The following IRX2 variants were observed in gnomAD, a reference collection of about 807,000 sequenced individuals.
IRX2 encodes iroquois homeobox 2.
IRX2 carries 26 observed loss-of-function variants against 42.9 expected under a neutral mutation model. The ratio of observed to expected loss-of-function variants is 0.61; its 90% CI spans 0.44 to 0.84. The LOEUF (loss-of-function observed/expected upper bound fraction) is 0.84, where lower values mean the gene tolerates loss of function less well. IRX2 is among the 40% of genes least tolerant of loss of function. The pLI is 0.00. For missense variants in IRX2, 782 were observed against 713.9 expected (o/e 1.10, Z -1.09); for synonymous variants, 424 against 353.9 (o/e 1.20, Z -2.22).
chr5:2,748,185 C>T (rs1737749305), intron 3 of IRX2, among the ~76,000 whole-genome samples, 160 bp downstream of exon 3: 1 of 152,238 alleles, frequency 6.6e-6, no homozygotes, highest in Admixed American at 6.5e-5. Context: ...CCTTCTTTGG[C>T]TTCCATCTCG....
downstream of IRX2, among the ~76,000 whole-genome samples, chr5:2,744,215 G>T (rs188130954): frequency 9.2e-5 from 14 of 152,138 alleles, no homozygotes; most frequent in African/African-American, 3.4e-4. Context: ...GAACATAAGC[G>T]CAAAGGTTAA....
downstream of IRX2, among the ~76,000 whole-genome samples, chr5:2,741,565 T>A (rs1209868174): frequency 1.3e-5 from 2 of 152,000 alleles, no homozygotes; most frequent in African/African-American, 2.4e-5. Context: ...AATTACCAGA[T>A]CAGATAAATG....
chr5:2,739,233 G>GCCCT, the IRX2 span, among the ~76,000 whole-genome samples: 5 of 152,146 alleles, frequency 3.3e-5, no homozygotes, highest in Non-Finnish European at 7.4e-5. Context: ...CCCCGAGCCC[G>GCCCT]CCGGCCCTCG....
intron 2 of IRX2, 74 bp downstream of exon 2, chr5:2,749,308 C>T: frequency 6.6e-7 from 1 of 1,519,070 alleles, no homozygotes. Context: ...GGGCAACGTC[C>T]TCCCCGCCTT....
In IRX2 at chr5:2,746,567, T is replaced by A. The variant is rs1225662022; in HGVS notation, c.*997A>T. The stretch of plus-strand genomic sequence containing the variant: ...CACACATACATCGGGGAAACTATAC[T>A]ATGCCAACAAATTCACATATGTCCA... On this transcript the variant is annotated 3_prime_UTR_variant, in exon 4 of 4. Coordinates refer to ENST00000302057, the MANE Select transcript of IRX2 (RefSeq NM_033267.5). The A allele has an allele frequency of 2.0e-5, 3 of 152,608 alleles. No homozygotes were observed. The highest frequency in any genetic ancestry group is 1.5e-5 in the Non-Finnish European group (1 of 68,044). 9.5% of individuals were successfully genotyped at this position (152,608 alleles called of 1,614,324 possible).
At position 2,751,264 on chromosome 5, in the gene IRX2, G is replaced by A. The variant is rs976829815; in HGVS notation, c.150C>T (p.Gly50=). 2.1e-6 allele frequency: 3 copies of A among 1,412,668 alleles called. No individual in the cohort carries two copies. The highest frequency in any genetic ancestry group is 2.8e-5 in the South Asian group (2 of 71,690). The allele number at this position is 1,412,668 out of a possible 1,614,324, so 87.5% of individuals were successfully genotyped here. The change falls in exon 1 of 4, where the codon GGC becomes GGT. Residue 50 remains glycine, a synonymous_variant. Coordinates refer to ENST00000302057, the MANE Select transcript of IRX2 (RefSeq NM_033267.5). This position sits in a 1 kb window ranked among gnomAD's most constrained non-coding sequence, Gnocchi z 4.0. ...CCGCCTGCGCCGTGAAGGCCGCCGAGCCCGGGTAGGGGCTGAACGCCGAGC... is the reference window on the plus strand; with the variant it reads ...CCGCCTGCGCCGTGAAGGCCGCCGAACCCGGGTAGGGGCTGAACGCCGAGC... ...ASGSAFSPYP[G]SAAFTAQAAT...
downstream of IRX2, among the ~76,000 whole-genome samples, chr5:2,743,775 C>T (rs1737597916): frequency 6.6e-6 from 1 of 152,248 alleles, no homozygotes; most frequent in African/African-American, 2.4e-5. Context: ...CTCTCTCCTT[C>T]CTTCCTCGTT....
chr5:2,748,909 CGTCGTCCTCCAG>C lies in IRX2; in HGVS notation c.787_798del (p.Leu263_Asp266del). 1 of 1,596,524 alleles carries C rather than the reference CGTCGTCCTCCAG, an allele frequency of 6.3e-7. No homozygotes were observed. The highest frequency in any genetic ancestry group is 8.5e-7 in the Non-Finnish European group (1 of 1,179,306). ...CGCTCGCCCTCCTCGTCGTCGTCCT[CGTCGTCCTCCAG>C]GTCGTCATACTTGTCCTTGCACTCC... On this transcript the variant is annotated inframe_deletion, in exon 3 of 4. Transcript: ENST00000302057.
chr5:2,740,844 G>A, the IRX2 span, among the ~76,000 whole-genome samples: 1 of 152,154 alleles, frequency 6.6e-6, no homozygotes, highest in Non-Finnish European at 1.5e-5. Context: ...ACAGTGCACC[G>A]TCCCCCTTGC....
intron 2 of IRX2, 109 bp from the exon 3 acceptor site, chr5:2,749,161 C>G: frequency 4.7e-6 from 7 of 1,493,320 alleles, no homozygotes; most frequent in Non-Finnish European, 6.2e-6. Flanking sequence ...GACCCCTCAC[C>G]TCGCCCCCAC....
At chr5:2,741,295 C>T (rs1579620020), downstream of IRX2, among the ~76,000 whole-genome samples, 2 of 152,346 alleles carry the variant, frequency 1.3e-5, no homozygotes, top group East Asian at 3.9e-4. Flanking sequence ...CCAGCAGTCT[C>T]AGTCCCACTA....
At chr5:2,736,474 C>T in the IRX2 span, among the ~76,000 whole-genome samples, 52 of 152,250 alleles carry the variant, frequency 3.4e-4, no homozygotes, top group African/African-American at 1.1e-3. Flanking sequence ...TAATAGAAAG[C>T]TTTGAATATG....
In IRX2 at chr5:2,748,892, C is replaced by T; in HGVS notation, c.816G>A (p.Glu272=). Reference sequence around the variant, plus strand: ...TGGGCGGCGCCAGGCCCCGCTCGCCCTCCTCGTCGTCGTCCTCGTCGTCCT... The same window carrying T: ...TGGGCGGCGCCAGGCCCCGCTCGCCTTCCTCGTCGTCGTCCTCGTCGTCCT... The part of the protein sequence containing the change: ...DLEDDEDDDE[E]GERGLAPPKP... Residue 272 remains glutamate (E), a synonymous_variant, in exon 3 of 4, where the codon GAG becomes GAA. Transcript: ENST00000302057. 6.3e-7 allele frequency: 1 copy of T among 1,595,826 alleles called. No individual in the cohort carries two copies. Among genetic ancestry groups the T allele is most frequent in the Non-Finnish European group, 8.5e-7 (1 of 1,179,072 alleles).
downstream of IRX2, among the ~76,000 whole-genome samples, chr5:2,742,283 C>A (rs189734753): frequency 3.6e-4 from 55 of 152,284 alleles, no homozygotes; most frequent in East Asian, 8.7e-3. Context: ...CTAGCCCAAG[C>A]AAAGGGGAGG....
chr5:2,749,835 GCAACCAGCCAGAGGATGC>G, intron 1 of IRX2, 48 bp from the exon 2 acceptor site: 2 of 1,529,620 alleles, frequency 1.3e-6, no homozygotes, highest in Non-Finnish European at 1.8e-6. Flanking sequence ...GACCCCGCGG[GCAACCAGCCAGAGGATGC>G]CACCCCTCCG....
In IRX2 at chr5:2,748,563, AG is replaced by A; in HGVS notation, c.1144del (p.Leu382SerfsTer17). 1.9e-6 allele frequency: 3 copies of A among 1,568,612 alleles called. No individual in the cohort carries two copies. Among genetic ancestry groups the A allele is most frequent in the South Asian group, 2.3e-5 (2 of 87,446 alleles). ...YPASPLLGRPLYYTSPFYGNY... is the reference protein window; with the variant it reads ...YPASPLLGRPXYYTSPFYGNY... ...GCCGTAGAAGGGCGACGTGTAGTAG[AG>A]GGGGCGGCCCAGCAGCGGCGAGGCA... On this transcript the variant is annotated frameshift_variant, in exon 3 of 4. Transcript: ENST00000302057. LOFTEE classifies it high-confidence loss of function.
At chr5:2,737,933 G>T in the IRX2 span, among the ~76,000 whole-genome samples, 1 of 152,124 alleles carries the variant, frequency 6.6e-6, no homozygotes, top group East Asian at 1.9e-4. Flanking sequence ...GCCTGGGGGT[G>T]TCCCCCTGCC....
chr5:2,735,706 A>G, the IRX2 span, among the ~76,000 whole-genome samples: 5 of 152,216 alleles, frequency 3.3e-5, no homozygotes, highest in African/African-American at 1.2e-4. Context: ...TATTTTCTAT[A>G]TGATGTAAGC....
At position 2,746,952 on chromosome 5, in the gene IRX2, T is replaced by C. The variant is rs1367385270; in HGVS notation, c.*612A>G. ...AGCAACATATTTTTTGAGATACTGTTGTGAGCCCCGGGAGAATGTCAGAGT... is the reference window on the plus strand; with the variant it reads ...AGCAACATATTTTTTGAGATACTGTCGTGAGCCCCGGGAGAATGTCAGAGT... On this transcript the variant is annotated 3_prime_UTR_variant, in exon 4 of 4. Transcript: ENST00000302057. 6.6e-6 allele frequency: 1 copy of C among 152,378 alleles called. No homozygotes were observed. Among genetic ancestry groups the C allele is most frequent in the Non-Finnish European group, 1.5e-5 (1 of 68,036 alleles). 9.4% of individuals were successfully genotyped at this position (152,378 alleles called of 1,614,324 possible).
Sources: allele counts gnomAD v4.1 joint callset (sites outside exome capture counted in the v4.1 genomes callset), GRCh38; gene constraint gnomAD v4.1.1; non-coding constraint Gnocchi (gnomAD v3.1); transcripts MANE v1.5; gene names NCBI Gene and HGNC (gene_info 2026-07-23, HGNC 2026-07-21).